Variants in HPSE2 observed in about 807,000 individuals in gnomAD.
The protein encoded by HPSE2 is heparanase 2 (inactive).
Under a neutral mutation model 60.5 loss-of-function variants are expected in HPSE2, and 38 were observed. The observed-to-expected ratio is 0.63, with a 90% CI of 0.48 to 0.82. HPSE2 has a LOEUF of 0.82. Ranked by LOEUF, HPSE2 falls within the 40% of genes least tolerant of loss-of-function variation. HPSE2 has a pLI of 0.00. For synonymous variants in HPSE2, 295 were observed against 293.2 expected (o/e 1.01, Z -0.06); for missense variants, 713 against 740.4 (o/e 0.96, Z 0.43).
At chr10:99,078,324 A>AC (rs1843015732) in intron 3 of HPSE2, among the ~76,000 whole-genome samples, 1 of 152,200 alleles carries the variant, frequency 6.6e-6, no homozygotes, top group South Asian at 2.1e-4. Flanking sequence ...TGATTCCAGG[A>AC]CCTTCCACAG....
At chr10:98,620,909 A>C (rs1946056737) in intron 7 of HPSE2, among the ~76,000 whole-genome samples, 1 of 152,196 alleles carries the variant, frequency 6.6e-6, no homozygotes, top group African/African-American at 2.4e-5. Context: ...ACACATATCC[A>C]CTTAAAGAAA....
At chr10:98,938,617 C>T (rs1954886046) in intron 3 of HPSE2, among the ~76,000 whole-genome samples, 1 of 143,804 alleles carries the variant, frequency 7.0e-6, no homozygotes, top group Admixed American at 6.9e-5. Context: ...GATTGGTGTA[C>T]CTGAAAGTGA....
intron 3 of HPSE2, among the ~76,000 whole-genome samples, chr10:98,751,828 C>CT (rs937977543): frequency 5.3e-5 from 8 of 152,138 alleles, no homozygotes; most frequent in Non-Finnish European, 1.2e-4. Context: ...GGGATGACAT[C>CT]TTAAGTATTG....
At chr10:99,305,690 T>A in the HPSE2 span, among the ~76,000 whole-genome samples, 1 of 151,958 alleles carries the variant, frequency 6.6e-6, no homozygotes, top group East Asian at 1.9e-4. Flanking sequence ...CATACAGATA[T>A]TGGAGTTAGC....
intron 9 of HPSE2, among the ~76,000 whole-genome samples, chr10:98,544,192 A>G (rs1943571914): frequency 6.6e-6 from 1 of 152,240 alleles, no homozygotes; most frequent in Non-Finnish European, 1.5e-5. Context: ...AAAACTGCTC[A>G]AGTACATGGA....
At chr10:98,600,957 A>C (rs1589486133) in intron 9 of HPSE2, among the ~76,000 whole-genome samples, 1 of 24,624 alleles carries the variant, frequency 4.1e-5, no homozygotes, top group East Asian at 4.4e-3. Context: ...AGAGAAAGAG[A>C]GTGAGAGAGA....
chr10:98,510,806 A>G (rs1378762232), intron 9 of HPSE2, among the ~76,000 whole-genome samples: 1 of 152,220 alleles, frequency 6.6e-6, no homozygotes, highest in East Asian at 1.9e-4. Context: ...GGAGGGCCGC[A>G]GGGCCAAAGA....
intron 3 of HPSE2, among the ~76,000 whole-genome samples, chr10:99,009,883 C>T (rs988931604): frequency 7.9e-5 from 12 of 152,038 alleles, no homozygotes; most frequent in African/African-American, 2.2e-4. Flanking sequence ...ATAACAAAAA[C>T]GTAGGAAGGA....
intron 9 of HPSE2, among the ~76,000 whole-genome samples, chr10:98,553,381 G>A (rs907557906): frequency 1.3e-5 from 2 of 152,148 alleles, no homozygotes; most frequent in African/African-American, 4.8e-5. Context: ...TTCTCTTAAT[G>A]AAGCTTTATT....
intron 9 of HPSE2, among the ~76,000 whole-genome samples, chr10:98,580,836 ATGTGTGTGTGTG>A (rs1244040035): frequency 8.4e-6 from 1 of 119,528 alleles, no homozygotes; most frequent in Non-Finnish European, 1.7e-5. Flanking sequence ...ATATATATAT[ATGTGTGTGTGTG>A]TGTGTGTGTG....
chr10:98,550,492 G>A lies in HPSE2; in HGVS notation c.1321-60296C>T, dbSNP rs1943828950. ...CTTAAATTTTTTTTTTTTTTGAGATGGAGTCTTGCTCTGTTGCCCAGGCTG... is the reference window on the plus strand; with the variant it reads ...CTTAAATTTTTTTTTTTTTTGAGATAGAGTCTTGCTCTGTTGCCCAGGCTG... On this transcript the variant is annotated intron_variant, in intron 9 of 11. Coordinates refer to ENST00000370552, the MANE Select transcript of HPSE2 (RefSeq NM_021828.5). Among the ~76,000 whole-genome samples, 5 of 150,462 alleles carry A rather than the reference G, an allele frequency of 3.3e-5. No homozygotes were observed. In the South Asian group the frequency reaches 1.1e-3, roughly 32 times the overall value.
chr10:99,115,509 G>A (rs768540718), intron 3 of HPSE2, among the ~76,000 whole-genome samples: 1 of 151,452 alleles, frequency 6.6e-6, no homozygotes, highest in Non-Finnish European at 1.5e-5. Flanking sequence ...TGCCCAGGCT[G>A]TTCTTGAACT....
intron 3 of HPSE2, among the ~76,000 whole-genome samples, chr10:98,962,445 C>G (rs11189908): frequency 0.25 from 37,697 of 151,892 alleles, 7,673 homozygotes; most frequent in African/African-American, 0.56. Flanking sequence ...GTAATAAGAG[C>G]TATTTATGAC....
intron 3 of HPSE2, among the ~76,000 whole-genome samples, chr10:98,943,742 T>C (rs552198679): frequency 2.6e-5 from 4 of 152,280 alleles, no homozygotes; most frequent in Admixed American, 6.5e-5. Flanking sequence ...ACTAAAGCCA[T>C]TGACCAACAG....
rs541061272 is a variant in HPSE2 at position 99,184,229 on chromosome 10, G to A, written c.449-39830C>T. 4.6e-5 allele frequency among the ~76,000 whole-genome samples: 7 copies of A among 151,968 alleles called. No homozygotes were observed. The South Asian group carries it at 1.5e-3, about 32-fold the overall frequency. ...ACAGATGGTAGAAAGAGTAAGCAAA[G>A]ATAAGAAAAAAGCAGCCGGGCATGG... On this transcript the variant is annotated intron_variant, in intron 2 of 11. Transcript: ENST00000370552.
chr10:98,780,312 G>C (rs1447811806), intron 3 of HPSE2, among the ~76,000 whole-genome samples: 1 of 151,866 alleles, frequency 6.6e-6, no homozygotes, highest in Non-Finnish European at 1.5e-5. Context: ...AGAAAATTTA[G>C]TTTATAGTGT....
the HPSE2 span, among the ~76,000 whole-genome samples, chr10:99,266,400 A>G: frequency 3.9e-5 from 6 of 152,108 alleles, no homozygotes; most frequent in African/African-American, 1.2e-4. Context: ...GGTGACCTGC[A>G]TGGCACGGCA....
Position 99,200,451 on chromosome 10 carries a change from G to C in HPSE2, c.448+31897C>G, listed in dbSNP as rs1363958839. On this transcript the variant is annotated intron_variant, in intron 2 of 11. Coordinates refer to ENST00000370552, the MANE Select transcript of HPSE2 (RefSeq NM_021828.5). Reference sequence around the variant, plus strand: ...TTTAGCAGATATTGTAGAGATTTGGGGTCAAGTGATCTGAGTTCCTGTCCT... The same window carrying C: ...TTTAGCAGATATTGTAGAGATTTGGCGTCAAGTGATCTGAGTTCCTGTCCT... Among the ~76,000 whole-genome samples the C allele has an allele frequency of 3.3e-5, 5 of 152,016 alleles. No individual in the cohort carries two copies. In the East Asian group the frequency reaches 9.6e-4, roughly 29 times the overall value.
chr10:99,264,867 C>T, the HPSE2 span, among the ~76,000 whole-genome samples: 7 of 152,198 alleles, frequency 4.6e-5, no homozygotes, highest in Admixed American at 4.6e-4. Context: ...GGTTCCCACA[C>T]CACCCCTAAT....
Sources: allele counts gnomAD v4.1 joint callset (sites outside exome capture counted in the v4.1 genomes callset), GRCh38; gene constraint gnomAD v4.1.1; transcripts MANE v1.5; gene names NCBI Gene and HGNC (gene_info 2026-07-23, HGNC 2026-07-21).